Variants in EHMT1 observed in about 807,000 individuals in gnomAD.
EHMT1 encodes histone-lysine N-methyltransferase EHMT1.
A neutral mutation model predicts 147.2 loss-of-function variants in EHMT1; 15 were observed. That is an observed-to-expected ratio of 0.10 (90% CI 0.07 to 0.16). EHMT1 has a LOEUF of 0.16. Among genes scored for constraint, EHMT1 ranks in the 10% least tolerant of loss-of-function variants. The pLI is 1.00. For missense variants in EHMT1, 1,587 were observed against 1,772.4 expected, an observed-to-expected ratio of 0.90 and a Z score of 1.88; for synonymous variants, 795 against 709.6, an observed-to-expected ratio of 1.12 and a Z score of -1.91.
intron 4 of EHMT1, among the ~76,000 whole-genome samples, chr9:137,735,584 A>G (rs1373956788): frequency 6.6e-6 from 1 of 152,256 alleles, no homozygotes; most frequent in Admixed American, 6.5e-5. Flanking sequence ...AAGATTTCCA[A>G]TCAAAAGACG....
At chr9:137,747,209 G>A (rs1948614416) in intron 6 of EHMT1, 1 of 152,080 alleles carries the variant, frequency 6.6e-6, no homozygotes, top group Non-Finnish European at 1.5e-5. Flanking sequence ...CCAGGGTGGA[G>A]TGCAATGGTG....
intron 25 of EHMT1, among the ~76,000 whole-genome samples, chr9:137,826,377 C>T (rs559991403): frequency 3.9e-5 from 6 of 152,240 alleles, no homozygotes; most frequent in African/African-American, 7.2e-5. Flanking sequence ...TGGGTCACCC[C>T]GGTCCACTTC....
intron 17 of EHMT1, 115 bp from the exon 18 acceptor site, chr9:137,800,765 C>G (rs142546095): frequency 4.7e-6 from 4 of 849,024 alleles, no homozygotes; most frequent in Middle Eastern, 5.6e-4. Flanking sequence ...GAGTGAGACG[C>G]CTGCACGAGG....
At chr9:137,805,602 C>T (rs996930313) in intron 18 of EHMT1, among the ~76,000 whole-genome samples, 5 of 152,114 alleles carry the variant, frequency 3.3e-5, no homozygotes, top group Non-Finnish European at 7.3e-5. Context: ...CTATATTTTA[C>T]ACATATATAT....
chr9:137,746,931 G>A (rs189002604), intron 6 of EHMT1: 4 of 150,298 alleles, frequency 2.7e-5, no homozygotes, highest in East Asian at 3.9e-4. Context: ...GTCAAGGCAC[G>A]AAAAGAATCA....
At position 137,717,057 on chromosome 9, in the gene EHMT1, G is replaced by T; in HGVS notation, c.517G>T (p.Ala173Ser). ...RTPSAFPQTP[A>S]APPATLGEGS... is the part of the protein sequence containing the mutation. ...TCCAAGCGCTTTTCCCCAGACGCCAGCCGCCCCACCAGCCACCCTTGGGGA... is the reference window on the plus strand; with the variant it reads ...TCCAAGCGCTTTTCCCCAGACGCCATCCGCCCCACCAGCCACCCTTGGGGA... Residue 173 changes from alanine (A) to serine (S), a missense_variant, in exon 3 of 27, where the codon GCC becomes TCC. Around this residue, in one of 7 missense-constraint regions of EHMT1, gnomAD observed 810 missense variants for 673.0 expected, o/e 1.20. Transcript: ENST00000460843. The T allele has an allele frequency of 6.2e-7, 1 of 1,607,304 alleles. No homozygotes were observed. The highest frequency in any genetic ancestry group is 8.5e-7 in the Non-Finnish European group (1 of 1,176,144).
chr9:137,806,195 A>C (rs965833812), intron 18 of EHMT1, among the ~76,000 whole-genome samples: 2 of 151,096 alleles, frequency 1.3e-5, no homozygotes, highest in African/African-American at 2.4e-5. Flanking sequence ...TCCCAACCTC[A>C]GGTGATCTGC....
chr9:137,626,949 ATTTTGT>A (rs957027723), intron 1 of EHMT1, among the ~76,000 whole-genome samples: 1 of 150,982 alleles, frequency 6.6e-6, no homozygotes, highest in East Asian at 2.0e-4. Flanking sequence ...CACCTGGTTA[ATTTTGT>A]TTTTGTTTTT....
At chr9:137,649,351 TG>T (rs888947280) in intron 1 of EHMT1, among the ~76,000 whole-genome samples, 16 of 152,046 alleles carry the variant, frequency 1.1e-4, no homozygotes, top group African/African-American at 3.1e-4. Context: ...TCCCAGATAC[TG>T]CGGAGGCCGA....
rs556922144 is a variant in EHMT1 at position 137,704,538 on chromosome 9, G to A, written c.22-6429G>A. ...AAAATGAGTTCTGTATTTCTGTTCC[G>A]AGAGGAGTGTCCTTGGGTCATCCCT... On this transcript the variant is annotated intron_variant, in intron 1 of 26. Coordinates refer to ENST00000460843, the MANE Select transcript of EHMT1 (RefSeq NM_024757.5). 1.2e-4 allele frequency among the ~76,000 whole-genome samples: 19 copies of A among 152,246 alleles called. No homozygotes were observed. The South Asian group carries it at 2.5e-3, about 20-fold the overall frequency.
At chr9:137,715,192 C>G (rs1250491247) in intron 2 of EHMT1, among the ~76,000 whole-genome samples, 1 of 152,158 alleles carries the variant, frequency 6.6e-6, no homozygotes, top group Non-Finnish European at 1.5e-5. Context: ...TGTTCTTTCC[C>G]TTTGGTGTCA....
intron 1 of EHMT1, among the ~76,000 whole-genome samples, chr9:137,699,532 G>A (rs979134047): frequency 6.6e-6 from 1 of 152,140 alleles, no homozygotes; most frequent in Non-Finnish European, 1.5e-5. Context: ...AATTAGCCAG[G>A]CTCTAATTGC....
At chr9:137,800,821 A>G in intron 17 of EHMT1, 59 bp from the exon 18 acceptor site, 6 of 1,524,050 alleles carry the variant, frequency 3.9e-6, no homozygotes, top group Non-Finnish European at 5.5e-6. Context: ...GGGAGTCCTC[A>G]TTGCTCTGGT....
chr9:137,625,093 G>GCTGGT (rs1843172311), intron 1 of EHMT1, among the ~76,000 whole-genome samples: 1 of 151,450 alleles, frequency 6.6e-6, no homozygotes, highest in Non-Finnish European at 1.5e-5. Flanking sequence ...TATTGGCTGG[G>GCTGGT]CTGGTCTAAA....
At chr9:137,737,391 A>G (rs1947632191) in intron 4 of EHMT1, among the ~76,000 whole-genome samples, 1 of 152,216 alleles carries the variant, frequency 6.6e-6, no homozygotes, top group Non-Finnish European at 1.5e-5. Context: ...CAAGAGTGCC[A>G]AGACCATTCA....
chr9:137,646,004 G>A (rs1844855769), intron 1 of EHMT1, among the ~76,000 whole-genome samples: 1 of 151,942 alleles, frequency 6.6e-6, no homozygotes, highest in African/African-American at 2.4e-5. Flanking sequence ...TGTTGCCCAG[G>A]CTGGAGTGCA....
intron 1 of EHMT1, among the ~76,000 whole-genome samples, chr9:137,668,193 C>T (rs1486744171): frequency 6.6e-6 from 1 of 152,146 alleles, no homozygotes; most frequent in Non-Finnish European, 1.5e-5. Context: ...CTTTGGGCGC[C>T]AGCTGTCTAC....
At chr9:137,823,101 T>C (rs1352783777) in intron 25 of EHMT1, among the ~76,000 whole-genome samples, 1 of 17,156 alleles carries the variant, frequency 5.8e-5, no homozygotes, top group Non-Finnish European at 1.2e-4. Context: ...TGGCTAATTG[T>C]TTTTTTTTTT....
rs1238913009 is a variant in EHMT1 at position 137,776,921 on chromosome 9, C to T, written c.2018+77C>T. The T allele has an allele frequency of 5.1e-6, 7 of 1,369,002 alleles. No individual in the cohort carries two copies. Among genetic ancestry groups the T allele is most frequent in the Non-Finnish European group, 7.1e-6 (7 of 980,982 alleles). 84.8% of individuals were successfully genotyped at this position (1,369,002 alleles called of 1,614,324 possible). A position where few individuals can be genotyped will look rare whatever the true frequency, so the allele number is the denominator to read the frequency against. On this transcript the variant is annotated intron_variant, in intron 12 of 26. Transcript: ENST00000460843. The surrounding 1 kb of genome is among the most constrained non-coding windows in gnomAD (Gnocchi z 4.4). ...TTCAGTTGTTAACTCAACGTTATTG[C>T]TTCCTGCTGTTTTTTCCAGAAGTCT...
Sources: allele counts gnomAD v4.1 joint callset (sites outside exome capture counted in the v4.1 genomes callset), GRCh38; gene constraint gnomAD v4.1.1; regional missense constraint gnomAD v4.1.1; non-coding constraint Gnocchi (gnomAD v3.1); transcripts MANE v1.5; gene names NCBI Gene and HGNC (gene_info 2026-07-23, HGNC 2026-07-21).